The following DPP10 variants were observed in gnomAD, a reference collection of about 807,000 sequenced individuals.
The protein encoded by DPP10 is inactive dipeptidyl peptidase 10.
A neutral mutation model predicts 120.9 loss-of-function variants in DPP10; 33 were observed. The observed-to-expected ratio is 0.27, with a 90% confidence interval of 0.21 to 0.37. The LOEUF (loss-of-function observed/expected upper bound fraction) is 0.37. Ranked by LOEUF, DPP10 falls within the 10% of genes least tolerant of loss-of-function variation. The pLI is 1.00. For missense variants in DPP10, 816 were observed against 942.8 expected (o/e 0.87, Z 1.76); for synonymous variants, 337 against 326.1 (o/e 1.03, Z -0.36).
intron 5 of DPP10, among the ~76,000 whole-genome samples, chr2:115,622,583 G>C (rs1447785992): frequency 1.4e-5 from 2 of 141,238 alleles, no homozygotes; most frequent in African/African-American, 5.4e-5. Flanking sequence ...GAGTACAGTT[G>C]CTGAGTCATA....
chr2:115,524,881 A>G (rs1351298299), intron 4 of DPP10, among the ~76,000 whole-genome samples: 1 of 152,148 alleles, frequency 6.6e-6, no homozygotes, highest in African/African-American at 2.4e-5. Flanking sequence ...GACCAAATAT[A>G]TATTTTATTA....
intron 1 of DPP10, among the ~76,000 whole-genome samples, chr2:114,586,093 C>A (rs1690958905): frequency 6.6e-6 from 1 of 151,988 alleles, no homozygotes; most frequent in South Asian, 2.1e-4. Context: ...ATAATAAATA[C>A]AAAATTAATT....
At chr2:115,029,608 G>A (rs754961099) in intron 1 of DPP10, among the ~76,000 whole-genome samples, 10 of 151,998 alleles carry the variant, frequency 6.6e-5, no homozygotes, top group Admixed American at 1.3e-4. Flanking sequence ...TTCCTAGATG[G>A]CATTTTTTTC....
chr2:115,354,999 T>G (rs1290869590), intron 3 of DPP10, among the ~76,000 whole-genome samples: 1 of 152,214 alleles, frequency 6.6e-6, no homozygotes, highest in Non-Finnish European at 1.5e-5. Context: ...TAAATAGTGC[T>G]GCAATAAACA....
intron 1 of DPP10, among the ~76,000 whole-genome samples, chr2:114,977,253 C>A (rs1488777525): frequency 6.6e-6 from 1 of 152,002 alleles, no homozygotes; most frequent in Non-Finnish European, 1.5e-5. Flanking sequence ...TACCCTTGAC[C>A]AAACACGCTT....
intron 1 of DPP10, among the ~76,000 whole-genome samples, chr2:114,917,359 A>G (rs1449712511): frequency 1.3e-5 from 2 of 152,222 alleles, no homozygotes; most frequent in Non-Finnish European, 2.9e-5. Context: ...GCTCATGGAT[A>G]GGAGTCAATA....
At chr2:114,496,996 A>G (rs1472450236) in intron 1 of DPP10, among the ~76,000 whole-genome samples, 1 of 147,868 alleles carries the variant, frequency 6.8e-6, no homozygotes, top group Admixed American at 6.6e-5. Flanking sequence ...CCATACACAG[A>G]CATATATATA....
intron 5 of DPP10, among the ~76,000 whole-genome samples, chr2:115,612,754 G>GAATA (rs1184578828): frequency 3.3e-5 from 5 of 151,942 alleles, no homozygotes; most frequent in Non-Finnish European, 1.5e-5. Context: ...TCATAAAGCT[G>GAATA]TATTAATATA....
intron 5 of DPP10, among the ~76,000 whole-genome samples, chr2:115,583,225 C>A (rs1014442737): frequency 6.6e-6 from 1 of 152,188 alleles, no homozygotes; most frequent in Non-Finnish European, 1.5e-5. Flanking sequence ...ATTATTTGCA[C>A]TCAGAATTCT....
intron 1 of DPP10, among the ~76,000 whole-genome samples, chr2:115,247,641 T>C (rs1037915779): frequency 2.0e-5 from 3 of 152,038 alleles, no homozygotes; most frequent in African/African-American, 7.2e-5. Context: ...AGAGAGTCAG[T>C]GGTGTCTTGC....
At chr2:114,482,601 T>A (rs1044101944) in intron 1 of DPP10, among the ~76,000 whole-genome samples, 7 of 152,090 alleles carry the variant, frequency 4.6e-5, no homozygotes, top group African/African-American at 1.7e-4. Flanking sequence ...TAAACAGAGG[T>A]AGACTGAAGA....
rs552417055 is a variant in DPP10, at chr2:115,266,219, A to G, written c.61-43020A>G. ...ACATGAAACGAAGGATTGATTATGT[A>G]TTATATCTGAACATGAATTCCAGGC... On this transcript the variant is annotated intron_variant, in intron 1 of 25. Coordinates refer to ENST00000410059, the MANE Select transcript of DPP10 (RefSeq NM_020868.6). Among the ~76,000 whole-genome samples the G allele has an allele frequency of 1.0e-3, 159 of 152,332 alleles. No homozygotes were observed. The Middle Eastern group carries it at 0.014, about 13-fold the overall frequency.
At chr2:114,656,741 G>A (rs1284095144) in intron 1 of DPP10, among the ~76,000 whole-genome samples, 1 of 152,034 alleles carries the variant, frequency 6.6e-6, no homozygotes, top group Non-Finnish European at 1.5e-5. Flanking sequence ...GAATAGTGAA[G>A]AATGAACAAA....
chr2:114,497,036 CAT>C (rs148498136), intron 1 of DPP10, among the ~76,000 whole-genome samples: 11,257 of 150,398 alleles, frequency 0.075, 569 homozygotes, highest in Middle Eastern at 0.14. Context: ...TGTATATATA[CAT>C]ATATATGCAT....
intron 1 of DPP10, among the ~76,000 whole-genome samples, chr2:114,902,848 T>A (rs1187473648): frequency 6.6e-6 from 1 of 152,178 alleles, no homozygotes; most frequent in Admixed American, 6.5e-5. Context: ...CTCTTGGTGG[T>A]TGTACATTCT....
rs1323741672 is a variant in DPP10, at chr2:115,804,511, T to G, written c.1701-10282T>G. 1.3e-5 allele frequency among the ~76,000 whole-genome samples: 2 copies of G among 152,094 alleles called. 1 individual carries two copies. Among genetic ancestry groups the G allele is most frequent in the Admixed American group, 1.3e-4 (2 of 15,268 alleles). ...CTTTGGAGGAGGAGAGGCGCTCTGG[T>G]TTTTAGAGTTTCTGGTTTTTCTGCT... On this transcript the variant is annotated intron_variant, in intron 19 of 25. Transcript: ENST00000410059.
intron 1 of DPP10, among the ~76,000 whole-genome samples, chr2:115,281,786 C>T (rs2060166356): frequency 6.6e-6 from 1 of 152,076 alleles, no homozygotes; most frequent in East Asian, 1.9e-4. Context: ...CACTGGATAT[C>T]TTAAAACATT....
chr2:114,653,252 A>C (rs1696739103), intron 1 of DPP10, among the ~76,000 whole-genome samples: 1 of 152,116 alleles, frequency 6.6e-6, no homozygotes, highest in African/African-American at 2.4e-5. Flanking sequence ...TATAAGACAC[A>C]AAAGAGGAGA....
chr2:114,445,274 C>T (rs1284030194), intron 1 of DPP10, among the ~76,000 whole-genome samples: 2 of 152,018 alleles, frequency 1.3e-5, no homozygotes, highest in Non-Finnish European at 2.9e-5. Context: ...TAATGATAAC[C>T]CACTTTGAGG....
Sources: allele counts gnomAD v4.1 joint callset (sites outside exome capture counted in the v4.1 genomes callset), GRCh38; gene constraint gnomAD v4.1.1; transcripts MANE v1.5; gene names NCBI Gene and HGNC (gene_info 2026-07-23, HGNC 2026-07-21).